Variants in SLC30A8 observed in about 807,000 individuals in gnomAD.
SLC30A8 encodes the protein proton-coupled zinc antiporter SLC30A8.
SLC30A8 carries 27 observed loss-of-function variants against 36.9 expected under a neutral mutation model. The ratio of observed to expected loss-of-function variants is 0.73; its 90% CI spans 0.54 to 1.01. The LOEUF is 1.01. Ranked by LOEUF, SLC30A8 falls within the 50% of genes least tolerant of loss-of-function variation. The pLI, the probability that SLC30A8 is intolerant of heterozygous loss-of-function variation, is 0.00. For synonymous variants in SLC30A8, 164 were observed against 172.4 expected, an observed-to-expected ratio of 0.95 and a Z score of 0.38; for missense variants, 439 against 452.0, an observed-to-expected ratio of 0.97 and a Z score of 0.26.
intron 2 of SLC30A8, among the ~76,000 whole-genome samples, chr8:117,064,621 A>G (rs1818113347): frequency 6.6e-6 from 1 of 152,226 alleles, no homozygotes; most frequent in Non-Finnish European, 1.5e-5. Context: ...CACAGATTTT[A>G]TCATTTGATG....
At chr8:117,001,528 A>G (rs1044996998) in intron 1 of SLC30A8, among the ~76,000 whole-genome samples, 7 of 152,310 alleles carry the variant, frequency 4.6e-5, no homozygotes, top group Admixed American at 2.6e-4. Flanking sequence ...AAGTATTATT[A>G]TTGCAACATG....
chr8:117,136,850 A>G (rs1245958415), intron 1 of SLC30A8, among the ~76,000 whole-genome samples: 1 of 152,006 alleles, frequency 6.6e-6, no homozygotes, highest in East Asian at 1.9e-4. Flanking sequence ...CATTCACCCC[A>G]TAAATAGGTA....
intron 2 of SLC30A8, among the ~76,000 whole-genome samples, chr8:117,118,703 A>T (rs1820557357): frequency 6.6e-6 from 1 of 151,908 alleles, no homozygotes; most frequent in African/African-American, 2.4e-5. Flanking sequence ...AGCCATTCCA[A>T]GTGTGTCTCT....
chr8:117,032,988 A>G (rs912969001), intron 1 of SLC30A8, among the ~76,000 whole-genome samples: 6 of 151,332 alleles, frequency 4.0e-5, no homozygotes, highest in African/African-American at 1.5e-4. Context: ...TGTCAGAGGA[A>G]CCTCTGCAAT....
intron 1 of SLC30A8, among the ~76,000 whole-genome samples, chr8:117,015,510 C>T (rs768953169): frequency 6.7e-6 from 1 of 148,652 alleles, no homozygotes; most frequent in East Asian, 2.0e-4. Context: ...GGAAACATTA[C>T]AGTAATAAAT....
chr8:116,960,816 C>G (rs748759390), intron 1 of SLC30A8, among the ~76,000 whole-genome samples: 4 of 152,206 alleles, frequency 2.6e-5, no homozygotes, highest in Non-Finnish European at 5.9e-5. Flanking sequence ...GTCTTGACAT[C>G]TTTAACAAGA....
At chr8:117,038,345 A>G (rs748193295) in intron 1 of SLC30A8, among the ~76,000 whole-genome samples, 2 of 152,160 alleles carry the variant, frequency 1.3e-5, no homozygotes, top group Non-Finnish European at 2.9e-5. Flanking sequence ...AATAAGTTCT[A>G]TGCACTTAAC....
chr8:116,995,291 A>G (rs1815777912), intron 1 of SLC30A8, among the ~76,000 whole-genome samples: 1 of 152,094 alleles, frequency 6.6e-6, no homozygotes, highest in Non-Finnish European at 1.5e-5. Context: ...CCAAGAAATC[A>G]TTTGAAAGAC....
intron 2 of SLC30A8, among the ~76,000 whole-genome samples, chr8:117,063,667 C>T (rs1818084944): frequency 6.6e-6 from 1 of 152,184 alleles, no homozygotes; most frequent in African/African-American, 2.4e-5. Flanking sequence ...ACAGAAAATT[C>T]TACCTTGAGA....
intron 2 of SLC30A8, among the ~76,000 whole-genome samples, chr8:117,075,861 T>C (rs1818471310): frequency 6.6e-6 from 1 of 152,172 alleles, no homozygotes; most frequent in African/African-American, 2.4e-5. Context: ...GTGCCACATT[T>C]GTCTAGTCTC....
chr8:117,127,222 C>T (rs771202438), intron 2 of SLC30A8, among the ~76,000 whole-genome samples: 9 of 151,938 alleles, frequency 5.9e-5, no homozygotes, highest in African/African-American at 9.7e-5. Flanking sequence ...AAAGAAGTCT[C>T]ATGTGGAAGT....
chr8:117,014,580 G>C (rs764759564), intron 1 of SLC30A8, among the ~76,000 whole-genome samples: 1 of 152,172 alleles, frequency 6.6e-6, no homozygotes, highest in Non-Finnish European at 1.5e-5. Flanking sequence ...AATCAAGTGT[G>C]TGAGAGGATA....
At chr8:116,986,397 C>A (rs558710395) in intron 1 of SLC30A8, among the ~76,000 whole-genome samples, 3 of 152,074 alleles carry the variant, frequency 2.0e-5, no homozygotes, top group Non-Finnish European at 4.4e-5. Context: ...GGGAATCAGG[C>A]GGAGACAGGA....
intron 2 of SLC30A8, among the ~76,000 whole-genome samples, chr8:117,097,661 A>T (rs1194959379): frequency 2.5e-5 from 1 of 39,406 alleles, no homozygotes; most frequent in African/African-American, 3.8e-4. Flanking sequence ...AATATATATA[A>T]TATATAATTT....
chr8:117,040,625 A>C (rs941904460), intron 2 of SLC30A8, among the ~76,000 whole-genome samples: 2 of 152,238 alleles, frequency 1.3e-5, no homozygotes, highest in Non-Finnish European at 2.9e-5. Context: ...GCCTCCAAGT[A>C]AATACAGGAT....
intron 2 of SLC30A8, among the ~76,000 whole-genome samples, chr8:117,050,951 C>A (rs974987486): frequency 6.6e-6 from 1 of 152,148 alleles, no homozygotes; most frequent in African/African-American, 2.4e-5. Context: ...CTCTCTTCTG[C>A]GAAATGGAGC....
intron 2 of SLC30A8, among the ~76,000 whole-genome samples, chr8:117,065,784 T>C (rs558554778): frequency 6.6e-6 from 1 of 152,254 alleles, no homozygotes; most frequent in East Asian, 1.9e-4. Context: ...GTCTTGTCTG[T>C]ATAGTTAATA....
Position 117,102,470 on chromosome 8 carries a change from C to T in SLC30A8, c.-225-32810C>T, listed in dbSNP as rs114532508. Among the ~76,000 whole-genome samples, 1,198 of 152,240 alleles carry T rather than the reference C, an allele frequency of 7.9e-3. 15 individuals are homozygous for T. Among genetic ancestry groups the T allele is most frequent in the African/African-American group, 0.027 (1,130 of 41,538 alleles). Reference sequence around the variant, plus strand: ...ATTTTATCTCTCATCACCCTGGTTACCTTGAGTGCTGTATTAGTTTACAGG... The same window carrying T: ...ATTTTATCTCTCATCACCCTGGTTATCTTGAGTGCTGTATTAGTTTACAGG... On this transcript the variant is annotated intron_variant, in intron 2 of 10. Coordinates refer to the SLC30A8 transcript ENST00000427715.
chr8:117,022,466 G>T (rs539465157), intron 1 of SLC30A8, among the ~76,000 whole-genome samples: 1 of 152,188 alleles, frequency 6.6e-6, no homozygotes, highest in East Asian at 1.9e-4. Context: ...ATAAACCAGA[G>T]ATCACTACTG....
Sources: allele counts gnomAD v4.1 joint callset (sites outside exome capture counted in the v4.1 genomes callset), GRCh38; gene constraint gnomAD v4.1.1; transcripts MANE v1.5; gene names NCBI Gene and HGNC (gene_info 2026-07-23, HGNC 2026-07-21).